WWOX: variants seen among roughly 807,000 people sequenced by gnomAD.
The protein encoded by WWOX is WW domain containing oxidoreductase, also known as WW domain-containing oxidoreductase.
Under a neutral mutation model 46.2 loss-of-function variants are expected in WWOX, and 69 were observed. That is an observed-to-expected ratio of 1.49 (90% CI 1.23 to 1.82). The LOEUF is 1.82. Ranked by LOEUF, WWOX falls within the 40% of genes most tolerant of loss-of-function variation. The pLI is 0.00. For missense variants in WWOX, 919 were observed against 542.6 expected, an observed-to-expected ratio of 1.69 and a Z score of -6.89; for synonymous variants, 359 against 202.6, an observed-to-expected ratio of 1.77 and a Z score of -6.56.
intron 8 of WWOX, among the ~76,000 whole-genome samples, chr16:79,136,397 A>T (rs978933168): frequency 6.6e-6 from 1 of 151,924 alleles, no homozygotes; most frequent in Non-Finnish European, 1.5e-5. Context: ...CACCCAGCTA[A>T]TTTTTGTATT....
intron 6 of WWOX, among the ~76,000 whole-genome samples, chr16:78,392,964 C>T (rs142263888): frequency 1.6e-4 from 24 of 152,208 alleles, no homozygotes; most frequent in African/African-American, 3.6e-4. Context: ...TCAGAGTTAG[C>T]GGTAGCAGCG....
At chr16:78,818,929 C>G (rs367699033) in intron 8 of WWOX, among the ~76,000 whole-genome samples, 4 of 152,210 alleles carry the variant, frequency 2.6e-5, no homozygotes, top group African/African-American at 9.6e-5. Context: ...GAAACCTAGA[C>G]TTGCACCCTG....
intron 8 of WWOX, among the ~76,000 whole-genome samples, chr16:78,854,567 T>A (rs184166770): frequency 3.9e-5 from 6 of 152,300 alleles, no homozygotes; most frequent in Admixed American, 3.9e-4. Context: ...TAACGATACC[T>A]GTATTTGCTA....
intron 8 of WWOX, among the ~76,000 whole-genome samples, chr16:79,209,733 A>C (rs1281944627): frequency 6.6e-6 from 1 of 152,196 alleles, no homozygotes; most frequent in African/African-American, 2.4e-5. Context: ...GAGCATCTCA[A>C]TTCTCCAATT....
intron 5 of WWOX, among the ~76,000 whole-genome samples, chr16:78,193,702 G>C (rs934803540): frequency 2.6e-5 from 4 of 152,172 alleles, no homozygotes; most frequent in Admixed American, 6.5e-5. Context: ...GAGTATAGAT[G>C]CTTACAAGAA....
chr16:78,791,565 C>T (rs549829675), intron 8 of WWOX, among the ~76,000 whole-genome samples: 1 of 152,182 alleles, frequency 6.6e-6, no homozygotes, highest in South Asian at 2.1e-4. Flanking sequence ...CGCAGGCCAT[C>T]TGAAGTTAGT....
chr16:78,475,387 G>A (rs2084327752), intron 8 of WWOX, among the ~76,000 whole-genome samples: 1 of 152,086 alleles, frequency 6.6e-6, no homozygotes, highest in African/African-American at 2.4e-5. Flanking sequence ...AGGAGCTTTT[G>A]GTAGATGGAT....
chr16:78,977,095 G>A (rs1290316234), intron 8 of WWOX, among the ~76,000 whole-genome samples: 1 of 152,160 alleles, frequency 6.6e-6, no homozygotes, highest in Non-Finnish European at 1.5e-5. Context: ...ATGCCTCCAG[G>A]CAATTTCCTA....
intron 8 of WWOX, among the ~76,000 whole-genome samples, chr16:78,475,554 C>T (rs1161066025): frequency 1.3e-5 from 2 of 152,158 alleles, no homozygotes; most frequent in Admixed American, 1.3e-4. Context: ...TGACTTTCAT[C>T]TTGATGGACA....
At chr16:78,183,647 C>T (rs1433746978) in intron 5 of WWOX, among the ~76,000 whole-genome samples, 2 of 152,120 alleles carry the variant, frequency 1.3e-5, no homozygotes, top group African/African-American at 2.4e-5. Flanking sequence ...CTCAGTAACA[C>T]CTGCCAAGTA....
chr16:79,120,447 C>A (rs1212282396), intron 8 of WWOX, among the ~76,000 whole-genome samples: 1 of 152,164 alleles, frequency 6.6e-6, no homozygotes, highest in Non-Finnish European at 1.5e-5. Flanking sequence ...CCCCTCCTGC[C>A]AAGAGCCCCC....
chr16:78,604,373 G>A (rs1333308647), intron 8 of WWOX, among the ~76,000 whole-genome samples: 2 of 152,018 alleles, frequency 1.3e-5, no homozygotes, highest in Admixed American at 6.5e-5. Context: ...CTGTACATGG[G>A]CCCTCGTTTA....
chr16:78,132,027 CTTT>C (rs1298818927), intron 4 of WWOX, among the ~76,000 whole-genome samples: 6 of 128,482 alleles, frequency 4.7e-5, no homozygotes, highest in Admixed American at 7.7e-5. Context: ...TTTTCTTTTT[CTTT>C]TTTTTTTTTT....
At chr16:78,518,041 C>T (rs1597201646) in intron 8 of WWOX, among the ~76,000 whole-genome samples, 1 of 151,810 alleles carries the variant, frequency 6.6e-6, no homozygotes, top group East Asian at 1.9e-4. Context: ...TGTCTTTGAG[C>T]TTGGTAATTA....
chr16:78,445,885 G>GGGGCA (rs2083548447), intron 8 of WWOX, among the ~76,000 whole-genome samples: 1 of 150,440 alleles, frequency 6.6e-6, no homozygotes, highest in South Asian at 2.2e-4. Context: ...CTTGGGGCGG[G>GGGGCA]GGGCAGGGCA....
chr16:78,276,038 T>C (rs2079571101), intron 5 of WWOX, among the ~76,000 whole-genome samples: 1 of 152,192 alleles, frequency 6.6e-6, no homozygotes, highest in Non-Finnish European at 1.5e-5. Context: ...TTAAGCCTTC[T>C]GGCTGGCAGG....
chr16:79,188,225 G>A (rs998218990), intron 8 of WWOX, among the ~76,000 whole-genome samples: 1 of 152,142 alleles, frequency 6.6e-6, no homozygotes, highest in Non-Finnish European at 1.5e-5. Context: ...GTGCTGCATG[G>A]GATAAAAATG....
chr16:78,456,539 G>C (rs79756176), intron 8 of WWOX, among the ~76,000 whole-genome samples: 5,475 of 152,228 alleles, frequency 0.036, 153 homozygotes, highest in Middle Eastern at 0.055. Flanking sequence ...ATACCTGATA[G>C]AGCTAATATA....
At chr16:78,244,319 C>G (rs1401762208) in intron 5 of WWOX, among the ~76,000 whole-genome samples, 1 of 152,206 alleles carries the variant, frequency 6.6e-6, no homozygotes, top group Non-Finnish European at 1.5e-5. Flanking sequence ...ATCATAGATG[C>G]TGATAAATTG....
Sources: allele counts gnomAD v4.1 joint callset (sites outside exome capture counted in the v4.1 genomes callset), GRCh38; gene constraint gnomAD v4.1.1; transcripts MANE v1.5; gene names NCBI Gene and HGNC (gene_info 2026-07-23, HGNC 2026-07-21).